Variants in ENPP6 observed in about 807,000 individuals in gnomAD.
ENPP6 encodes ectonucleotide pyrophosphatase/phosphodiesterase 6, also known as glycerophosphocholine cholinephosphodiesterase ENPP6.
Under a neutral mutation model 42.0 loss-of-function variants are expected in ENPP6, and 32 were observed. The ratio of observed to expected loss-of-function variants is 0.76; its 90% confidence interval spans 0.58 to 1.02. The LOEUF is 1.02. ENPP6 is among the 50% of genes least tolerant of loss of function. The pLI, the probability that ENPP6 is intolerant of heterozygous loss-of-function variation, is 0.00. For missense variants in ENPP6, 552 were observed against 566.8 expected (o/e 0.97, Z 0.27); for synonymous variants, 213 against 216.0 (o/e 0.99, Z 0.12).
chr4:184,129,543 T>C (rs1736561387), intron 2 of ENPP6, among the ~76,000 whole-genome samples: 1 of 152,204 alleles, frequency 6.6e-6, no homozygotes, highest in Non-Finnish European at 1.5e-5. Context: ...GAGACTAAGG[T>C]TGTTGTGAAA....
chr4:184,112,699 C>A lies in ENPP6; in HGVS notation c.966G>T (p.Val322=). 1 of 1,614,026 alleles carries A rather than the reference C, an allele frequency of 6.2e-7. No homozygotes were observed. Among genetic ancestry groups the A allele is most frequent in the Non-Finnish European group, 8.5e-7 (1 of 1,179,988 alleles). ...KGKFVSPLTL[V]ADEGWFITEN... ...CAGTTATGAACCAGCCTTCATCAGCCACTAAAGTCAAAGGAGAGACAAACT... is the reference window on the plus strand; with the variant it reads ...CAGTTATGAACCAGCCTTCATCAGCAACTAAAGTCAAAGGAGAGACAAACT... Residue 322 remains valine, a synonymous_variant, in exon 6 of 8, where the codon GTG becomes GTT. Transcript: ENST00000296741.
intron 2 of ENPP6, 85 bp from the exon 3 acceptor site, chr4:184,124,357 T>C: frequency 1.1e-6 from 1 of 935,206 alleles, no homozygotes; most frequent in Non-Finnish European, 1.7e-6. Flanking sequence ...CAAACACCAT[T>C]AGTCAAAATC....
intron 1 of ENPP6, among the ~76,000 whole-genome samples, chr4:184,195,071 G>A (rs11930046): frequency 0.35 from 53,464 of 151,818 alleles, 10,193 homozygotes; most frequent in African/African-American, 0.47. Context: ...GTACCATTTG[G>A]ACCATTTTTA....
intron 1 of ENPP6, among the ~76,000 whole-genome samples, chr4:184,190,047 C>T (rs897159187): frequency 3.3e-5 from 5 of 152,166 alleles, no homozygotes; most frequent in African/African-American, 7.2e-5. Context: ...CTCTTGCTGA[C>T]CATGAAACCA....
In ENPP6 at chr4:184,091,267, C is replaced by T. The variant is rs751667765; in HGVS notation, c.1233G>A (p.Met411Ile). The T allele has an allele frequency of 7.4e-6, 12 of 1,612,916 alleles. No individual in the cohort carries two copies. Among genetic ancestry groups the T allele is most frequent in the Non-Finnish European group, 9.3e-6 (11 of 1,179,530 alleles). ...LPNNGSWSRV[M>I]CMLKGRASTA... The stretch of plus-strand genomic sequence containing the variant: ...TGCTGGCGCGGCCCTTCAGCATGCA[C>T]ATCACCCTGGACCAGGATCCGTTGT... The change falls in exon 8 of 8, where the codon ATG (methionine) becomes ATA (isoleucine). Residue 411 changes from methionine (M) to isoleucine (I), a missense_variant. By Grantham distance (10) the Met-to-Ile change is conservative. This residue lies in a region of ENPP6 where 545 missense variants were observed against 546.3 expected (regional missense o/e 1.00). Transcript: ENST00000296741.
chr4:184,095,873 ACC>A (rs1735892990), intron 7 of ENPP6, among the ~76,000 whole-genome samples: 1 of 151,998 alleles, frequency 6.6e-6, no homozygotes, highest in African/African-American at 2.4e-5. Flanking sequence ...TCCAGTAGTT[ACC>A]CTCGGGGTGC....
chr4:184,217,512 G>A, intron 1 of ENPP6, 67 bp downstream of exon 1: 1 of 1,590,398 alleles, frequency 6.3e-7, no homozygotes, highest in Non-Finnish European at 8.6e-7. Context: ...TCCAATGCCA[G>A]GAGCTCACTG....
intron 2 of ENPP6, among the ~76,000 whole-genome samples, chr4:184,126,331 T>A (rs1213490220): frequency 6.6e-6 from 1 of 152,208 alleles, no homozygotes; most frequent in East Asian, 1.9e-4. Flanking sequence ...AAAACAAACT[T>A]TTTTTTATTG....
intron 1 of ENPP6, among the ~76,000 whole-genome samples, chr4:184,195,795 AC>A (rs1448423228): frequency 6.6e-6 from 1 of 152,240 alleles, no homozygotes; most frequent in Non-Finnish European, 1.5e-5. Context: ...TATTTCTTAT[AC>A]ACCCAAGTCT....
chr4:184,091,547 C>T (rs1450735155), intron 7 of ENPP6, among the ~76,000 whole-genome samples, 165 bp from the exon 8 acceptor site: 2 of 152,000 alleles, frequency 1.3e-5, no homozygotes, highest in East Asian at 1.9e-4. Flanking sequence ...AGAAGGGTAT[C>T]CGGAAGGCTG....
At chr4:184,101,359 G>A (rs1736002115) in intron 6 of ENPP6, among the ~76,000 whole-genome samples, 2 of 149,708 alleles carry the variant, frequency 1.3e-5, no homozygotes, top group African/African-American at 4.9e-5. Context: ...TGTAGCACTG[G>A]GGTAGGGAGA....
In ENPP6 at chr4:184,162,430, A is replaced by G. The variant is rs1737275927; in HGVS notation, c.242-8697T>C. ...CTTTTTCTACAAAGACAACTTCAATAATCTATTAAATGGGAGAGTAAGTTA... is the reference window on the plus strand; with the variant it reads ...CTTTTTCTACAAAGACAACTTCAATGATCTATTAAATGGGAGAGTAAGTTA... On this transcript the variant is annotated intron_variant, in intron 1 of 7. Transcript: ENST00000296741. Among the ~76,000 whole-genome samples the G allele has an allele frequency of 3.3e-5, 5 of 152,334 alleles. No homozygotes were observed. In the South Asian group the frequency reaches 1.0e-3, roughly 32 times the overall value.
At chr4:184,193,731 A>G (rs1033351296) in intron 1 of ENPP6, among the ~76,000 whole-genome samples, 1 of 152,214 alleles carries the variant, frequency 6.6e-6, no homozygotes. Flanking sequence ...AAATTAGGTT[A>G]CATTCTCCAG....
In ENPP6 at chr4:184,130,428, G is replaced by A. The variant is rs1431999503; in HGVS notation, c.422-6156C>T. On this transcript the variant is annotated intron_variant, in intron 2 of 7. Coordinates refer to ENST00000296741, the MANE Select transcript of ENPP6 (RefSeq NM_153343.4). ...AAAAAATTAGCCGGGCGTGGTGGTG[G>A]GCACCTGTAGTCCCAGCTACTCGGG... 1.9e-5 allele frequency among the ~76,000 whole-genome samples: 2 copies of A among 106,580 alleles called. 1 individual carries two copies. The allele number at this position is 106,580 out of a possible 152,430, so 69.9% of individuals were successfully genotyped here. A position where few individuals can be genotyped will look rare whatever the true frequency, so the allele number is the denominator to read the frequency against.
chr4:184,196,748 T>C (rs1579660510), intron 1 of ENPP6, among the ~76,000 whole-genome samples: 1 of 152,112 alleles, frequency 6.6e-6, no homozygotes, highest in Admixed American at 6.5e-5. Context: ...GACTGAGAGT[T>C]CCCAGAGAGG....
chr4:184,152,798 G>A (rs529974254), intron 2 of ENPP6, among the ~76,000 whole-genome samples: 1 of 152,318 alleles, frequency 6.6e-6, no homozygotes, highest in African/African-American at 2.4e-5. Context: ...ACCTCGTTGA[G>A]CTAGGATGTA....
chr4:184,146,440 AAG>A (rs1491028814), intron 2 of ENPP6, among the ~76,000 whole-genome samples: 212 of 149,746 alleles, frequency 1.4e-3, no homozygotes, highest in Middle Eastern at 0.01. Flanking sequence ...AAAAAAAAAA[AAG>A]AAAGAAAGAA....
At chr4:184,116,827 C>G in intron 5 of ENPP6, 29 bp downstream of exon 5, 1 of 1,610,138 alleles carries the variant, frequency 6.2e-7, no homozygotes, top group Middle Eastern at 2.1e-4. Flanking sequence ...CCACATGGCC[C>G]TCCTCCGCCC....
chr4:184,113,928 T>TTTCTTTCC (rs1553995041), intron 5 of ENPP6, among the ~76,000 whole-genome samples: 17 of 141,756 alleles, frequency 1.2e-4, no homozygotes, highest in Non-Finnish European at 1.9e-4. Flanking sequence ...TCTTTCTTTC[T>TTTCTTTCC]TTCTTTCTTT....
Sources: gnomAD v4.1 joint callset for allele counts (sites outside exome capture counted in the v4.1 genomes callset) on GRCh38, gnomAD v4.1.1 for gene constraint, gnomAD v4.1.1 regional missense constraint, MANE v1.5 for transcripts, NCBI Gene and HGNC (gene_info 2026-07-23, HGNC 2026-07-21) for gene names.